SLC2A5: variants seen among roughly 807,000 people sequenced by gnomAD.
SLC2A5 encodes solute carrier family 2 member 5, also known as solute carrier family 2, facilitated glucose transporter member 5.
Under a neutral mutation model 50.3 loss-of-function variants are expected in SLC2A5, and 56 were observed. That is an observed-to-expected ratio of 1.11 (90% confidence interval 0.90 to 1.39). The LOEUF (loss-of-function observed/expected upper bound fraction) is 1.39, where lower values mean the gene tolerates loss of function less well. Ranked by LOEUF, SLC2A5 falls within the 40% of genes most tolerant of loss-of-function variation. The pLI is 0.00. For missense variants in SLC2A5, 566 were observed against 650.1 expected (o/e 0.87, Z 1.41); for synonymous variants, 269 against 281.9 (o/e 0.95, Z 0.46).
intron 10 of SLC2A5, 61 bp from the exon 11 acceptor site, chr1:9,038,085 G>T (rs1569831692): frequency 6.3e-7 from 1 of 1,585,498 alleles, no homozygotes; most frequent in East Asian, 2.3e-5. Context: ...CCCAGGCCTG[G>T]CCATGCAGAC....
intron 2 of SLC2A5, among the ~76,000 whole-genome samples, chr1:9,078,079 A>G (rs1161486093): frequency 2.0e-5 from 3 of 152,212 alleles, no homozygotes; most frequent in African/African-American, 7.2e-5. Flanking sequence ...AGGGGTGGAC[A>G]GTTCCCCGGA....
Position 9,038,523 on chromosome 1 carries a change from G to C in SLC2A5, c.1099-17C>G, listed in dbSNP as rs13306764. Reference sequence around the variant, plus strand: ...CACTGTGTCCTGTGGAGAGAAAGCAGTTGGTTCACCTGGAGCAGACAAGCT... The same window carrying C: ...CACTGTGTCCTGTGGAGAGAAAGCACTTGGTTCACCTGGAGCAGACAAGCT... On this transcript the variant is annotated splice_polypyrimidine_tract_variant and intron_variant, in intron 9 of 11. Coordinates refer to ENST00000377424, the MANE Select transcript of SLC2A5 (RefSeq NM_003039.3). 3 of 1,606,596 alleles carry C rather than the reference G, an allele frequency of 1.9e-6. No individual in the cohort carries two copies. The highest frequency in any genetic ancestry group is 2.6e-6 in the Non-Finnish European group (3 of 1,173,918).
intron 1 of SLC2A5, among the ~76,000 whole-genome samples, chr1:9,060,129 CAACA>C (rs2124418151): frequency 1.5e-5 from 2 of 132,688 alleles, no homozygotes; most frequent in South Asian, 5.2e-4. Flanking sequence ...TACACACACA[CAACA>C]CACACACTAC....
At position 9,038,011 on chromosome 1, in the gene SLC2A5, C is replaced by T. The variant is rs144361215; in HGVS notation, c.1188G>A (p.Ala396=). 462 of 1,613,764 alleles carry T rather than the reference C, an allele frequency of 2.9e-4. No individual in the cohort carries two copies. In the African/African-American group the frequency reaches 4.1e-3, roughly 14 times the overall value. ...GCAGGAAGATCTCAGTGATGAGCAG[C>T]GCGGGTATGGGACCTGTAGGGGGAG... The part of the protein sequence containing the change: ...GHALGPSPIP[A]LLITEIFLQS... The change falls in exon 11 of 12, where the codon GCG becomes GCA. Residue 396 remains alanine, a synonymous_variant. Transcript: ENST00000377424.
At position 9,057,597 on chromosome 1, in the gene SLC2A5, T is replaced by C. The variant is rs1389195581; in HGVS notation, c.144A>G (p.Gln48=). 6.2e-7 allele frequency: 1 copy of C among 1,611,562 alleles called. No homozygotes were observed. The highest frequency in any genetic ancestry group is 2.2e-5 in the East Asian group (1 of 44,878). The change falls in exon 3 of 12, where the codon CAA becomes CAG. Residue 48 remains glutamine (Q), a synonymous_variant. Transcript: ENST00000377424. ...TACCATAGTAAGTCTCATTGTAAAA[T>C]TGTTGCATGAGCTAGGAGACAAAGC... The part of the protein sequence containing the change: ...AVNSPALLMQ[Q]FYNETYYGRT...
chr1:9,079,468 C>T (rs1479571824), intron 2 of SLC2A5, among the ~76,000 whole-genome samples: 1 of 152,064 alleles, frequency 6.6e-6, no homozygotes, highest in Non-Finnish European at 1.5e-5. Flanking sequence ...GATAGACACT[C>T]CTCTTTTTAT....
upstream of SLC2A5, among the ~76,000 whole-genome samples, chr1:9,090,468 C>T (rs1451338915): frequency 6.6e-6 from 1 of 152,172 alleles, no homozygotes; most frequent in Non-Finnish European, 1.5e-5. Context: ...AATCCCCACC[C>T]ATTCTTCCCA....
At chr1:9,062,281 G>GA (rs2124430395) in intron 1 of SLC2A5, among the ~76,000 whole-genome samples, 2 of 152,264 alleles carry the variant, frequency 1.3e-5, no homozygotes, top group South Asian at 4.1e-4. Context: ...GTACTAAGAA[G>GA]AAAAACACAG....
chr1:9,075,206 C>T (rs1642269409), intron 2 of SLC2A5, among the ~76,000 whole-genome samples: 1 of 152,164 alleles, frequency 6.6e-6, no homozygotes, highest in Non-Finnish European at 1.5e-5. Flanking sequence ...ATAGGTCTGT[C>T]TGTGTTTATG....
intron 4 of SLC2A5, 108 bp from the exon 5 acceptor site, chr1:9,042,045 T>C: frequency 2.1e-6 from 3 of 1,409,104 alleles, no homozygotes; most frequent in South Asian, 3.3e-5. Flanking sequence ...GCCAGAACTC[T>C]CTCAAAACTG....
chr1:9,071,127 C>T (rs926900255), upstream of SLC2A5, among the ~76,000 whole-genome samples: 7 of 151,968 alleles, frequency 4.6e-5, no homozygotes, highest in South Asian at 6.2e-4. Flanking sequence ...AAGAAGAATC[C>T]GGCCGGGCGC....
intron 8 of SLC2A5, 141 bp from the exon 9 acceptor site, chr1:9,039,070 G>C: frequency 2.9e-6 from 3 of 1,035,638 alleles, no homozygotes; most frequent in Non-Finnish European, 4.1e-6. Flanking sequence ...ACATGTGCAA[G>C]ACATGCCCTT....
chr1:9,051,859 T>C (rs551527589), intron 3 of SLC2A5, among the ~76,000 whole-genome samples: 1 of 152,306 alleles, frequency 6.6e-6, no homozygotes, highest in South Asian at 2.1e-4. Flanking sequence ...GGCAGCTTTA[T>C]TCATAATTGC....
intron 1 of SLC2A5, among the ~76,000 whole-genome samples, chr1:9,087,923 C>T (rs1161614106): frequency 1.3e-5 from 2 of 152,112 alleles, no homozygotes; most frequent in African/African-American, 4.8e-5. Flanking sequence ...CAACATTTGG[C>T]TTATGGGGGA....
At chr1:9,060,238 CCCCCCA>C (rs1641892685) in intron 1 of SLC2A5, among the ~76,000 whole-genome samples, 1 of 133,148 alleles carries the variant, frequency 7.5e-6, no homozygotes, top group Non-Finnish European at 1.5e-5. Context: ...TACACACACA[CCCCCCA>C]TGTACACACA....
Position 9,040,210 on chromosome 1 carries a change from T to C in SLC2A5, c.572-21A>G. 1 of 1,543,468 alleles carries C rather than the reference T, an allele frequency of 6.5e-7. No individual in the cohort carries two copies. On this transcript the variant is annotated intron_variant, in intron 5 of 11. Transcript: ENST00000377424. This position sits in a 1 kb window ranked among gnomAD's most constrained non-coding sequence, Gnocchi z 4.3. ...CCAGCCTGGGAGGAAGGCAGCGAGC[T>C]GGCACCAGCGGCCTCCCCACCACCC...
Position 9,056,942 on chromosome 1 carries a change from G to C in SLC2A5, c.293+506C>G, listed in dbSNP as rs554092872. Among the ~76,000 whole-genome samples the C allele has an allele frequency of 1.4e-4, 21 of 152,256 alleles. No homozygotes were observed. The South Asian group carries it at 4.1e-3, about 30-fold the overall frequency. The stretch of plus-strand genomic sequence containing the variant: ...CCCTGCTTCTAACCCCTGAGACCCT[G>C]CCTAGGTCCCCAAACACTGTCAATG... On this transcript the variant is annotated intron_variant, in intron 3 of 11. Transcript: ENST00000377424.
In SLC2A5 at chr1:9,038,909, C is replaced by T; in HGVS notation, c.1017G>A (p.Leu339=). 6.2e-7 allele frequency: 1 copy of T among 1,612,666 alleles called. No individual in the cohort carries two copies. The highest frequency in any genetic ancestry group is 1.7e-5 in the Admixed American group (1 of 59,970). Residue 339 remains leucine (L), a synonymous_variant, in exon 9 of 12, where the codon CTG becomes CTA. Transcript: ENST00000377424. Reference sequence around the variant, plus strand: ...CCAGCAGCAGCAGCAGCCTCCGACCCAGGAGCTCCACCACGAACACCTACA... The same window carrying T: ...CCAGCAGCAGCAGCAGCCTCCGACCTAGGAGCTCCACCACGAACACCTACA... ...TFCAVFVVEL[L]GRRLLLLLGF...
intron 3 of SLC2A5, 121 bp downstream of exon 3, chr1:9,057,324 AAAG>A: frequency 1.9e-6 from 1 of 528,012 alleles, no homozygotes. Context: ...AAGAAAGAAA[AAAG>A]AAAAATGACC....
Sources: allele counts gnomAD v4.1 joint callset (sites outside exome capture counted in the v4.1 genomes callset), GRCh38; gene constraint gnomAD v4.1.1; non-coding constraint Gnocchi (gnomAD v3.1); transcripts MANE v1.5; gene names NCBI Gene and HGNC (gene_info 2026-07-23, HGNC 2026-07-21).